IQUB: variants seen among roughly 807,000 people sequenced by gnomAD.
The protein encoded by IQUB is IQ motif and ubiquitin-like domain-containing protein.
In IQUB, 86 loss-of-function variants were observed where a neutral mutation model predicts 86.4. That is an observed-to-expected ratio of 1.00 (90% CI 0.84 to 1.19). The LOEUF is 1.19. IQUB is among the 50% of genes most tolerant of loss of function. IQUB has a pLI of 0.00. For missense variants in IQUB, 946 were observed against 916.9 expected (o/e 1.03, Z -0.41); for synonymous variants, 289 against 304.5 (o/e 0.95, Z 0.53).
At chr7:123,501,031 C>T (rs1388207161) in intron 6 of IQUB, 1 of 152,126 alleles carries the variant, frequency 6.6e-6, no homozygotes, top group African/African-American at 2.4e-5. Flanking sequence ...TTTAAAAATT[C>T]ATTTATCACA....
rs1443066101 is a variant in IQUB at position 123,519,944 on chromosome 7, A to G, written c.-4-7600T>C. On this transcript the variant is annotated intron_variant, in intron 1 of 12. Coordinates refer to ENST00000324698, the MANE Select transcript of IQUB (RefSeq NM_178827.5). ...ATAAACAAAAATTTTTAAATTTTTG[A>G]AAAGCATTGGCCATGGCTGAATTCA... Among the ~76,000 whole-genome samples the G allele has an allele frequency of 9.1e-5, 12 of 131,542 alleles. No homozygotes were observed. The Admixed American group carries it at 9.8e-4, about 11-fold the overall frequency. 86.3% of individuals were successfully genotyped at this position (131,542 alleles called of 152,430 possible).
At chr7:123,525,513 T>C (rs889187750) in intron 1 of IQUB, among the ~76,000 whole-genome samples, 2 of 152,188 alleles carry the variant, frequency 1.3e-5, no homozygotes, top group East Asian at 1.9e-4. Context: ...TATTCTCTGA[T>C]GGTAGTTTGT....
intron 1 of IQUB, among the ~76,000 whole-genome samples, chr7:123,526,003 T>G (rs1162752506): frequency 7.0e-6 from 1 of 143,840 alleles, no homozygotes; most frequent in Admixed American, 7.1e-5. Context: ...TCCATGTAGT[T>G]AAGCGGTTTT....
intron 7 of IQUB, among the ~76,000 whole-genome samples, chr7:123,494,608 T>C (rs1470593388): frequency 1.3e-5 from 2 of 152,152 alleles, no homozygotes; most frequent in Non-Finnish European, 2.9e-5. Context: ...ATAAATCATA[T>C]GTGGACTTAT....
chr7:123,526,263 C>G (rs1797202824), intron 1 of IQUB, among the ~76,000 whole-genome samples: 2 of 152,038 alleles, frequency 1.3e-5, no homozygotes, highest in African/African-American at 4.8e-5. Flanking sequence ...TCTTTGTTGA[C>G]TTTCTGTCTC....
At chr7:123,497,506 T>C (rs1343677584) in intron 6 of IQUB, among the ~76,000 whole-genome samples, 1 of 152,114 alleles carries the variant, frequency 6.6e-6, no homozygotes, top group Non-Finnish European at 1.5e-5. Context: ...TATTAACTTG[T>C]ATGAAACATG....
intron 1 of IQUB, among the ~76,000 whole-genome samples, chr7:123,513,695 C>G (rs1007849288): frequency 6.6e-6 from 1 of 152,210 alleles, no homozygotes; most frequent in Non-Finnish European, 1.5e-5. Context: ...GTCGCCCAGG[C>G]TGGAGTGCAG....
At chr7:123,463,187 G>A (rs1447470424) in intron 10 of IQUB, among the ~76,000 whole-genome samples, 2 of 151,522 alleles carry the variant, frequency 1.3e-5, no homozygotes, top group Non-Finnish European at 3.0e-5. Flanking sequence ...TATACTGCAG[G>A]CAGAAATGCA....
intron 1 of IQUB, among the ~76,000 whole-genome samples, chr7:123,517,984 A>G (rs989057709): frequency 1.3e-5 from 2 of 152,220 alleles, no homozygotes; most frequent in African/African-American, 4.8e-5. Flanking sequence ...GTTGAAAAGG[A>G]TTAAACCAGC....
chr7:123,513,200 G>A (rs1179488080), intron 1 of IQUB, among the ~76,000 whole-genome samples: 1 of 152,122 alleles, frequency 6.6e-6, no homozygotes, highest in African/African-American at 2.4e-5. Context: ...TTCACCCACA[G>A]CCAGTGGAAT....
chr7:123,494,587 T>C (rs1795630615), intron 7 of IQUB, among the ~76,000 whole-genome samples: 1 of 152,166 alleles, frequency 6.6e-6, no homozygotes, highest in Admixed American at 6.5e-5. Context: ...GGATTTCATT[T>C]TCCTCCATAT....
At chr7:123,461,949 T>C (rs1378479646) in intron 10 of IQUB, among the ~76,000 whole-genome samples, 4 of 151,872 alleles carry the variant, frequency 2.6e-5, no homozygotes, top group African/African-American at 9.7e-5. Flanking sequence ...TTCAGTTCTA[T>C]ATTACATTAG....
At chr7:123,482,692 G>A (rs976694064) in intron 7 of IQUB, among the ~76,000 whole-genome samples, 3 of 152,102 alleles carry the variant, frequency 2.0e-5, no homozygotes, top group African/African-American at 7.2e-5. Flanking sequence ...TGTCAGTCAT[G>A]TACCTGTCAA....
At position 123,462,593 on chromosome 7, in the gene IQUB, G is replaced by C. The variant is rs764596936; in HGVS notation, c.1759-988C>G. On this transcript the variant is annotated intron_variant, in intron 10 of 12. Transcript: ENST00000324698. ...AAATTTAAAAGGTAGTCAATTCTTCGAGAGAAAAGAAGAGTGATCTAGGTG... is the reference window on the plus strand; with the variant it reads ...AAATTTAAAAGGTAGTCAATTCTTCCAGAGAAAAGAAGAGTGATCTAGGTG... The C allele has an allele frequency of 2.0e-5, 4 of 197,440 alleles. No individual in the cohort carries two copies. In the East Asian group the frequency reaches 5.1e-4, roughly 25 times the overall value. The allele number at this position is 197,440 out of a possible 1,614,324, so 12.2% of individuals were successfully genotyped here. A position where few individuals can be genotyped will look rare whatever the true frequency, so the allele number is the denominator to read the frequency against.
At chr7:123,524,039 C>T (rs1455613744) in intron 1 of IQUB, among the ~76,000 whole-genome samples, 1 of 146,032 alleles carries the variant, frequency 6.8e-6, no homozygotes, top group Non-Finnish European at 1.5e-5. Flanking sequence ...TTTCTGAGGG[C>T]TTTGTTCTGT....
intron 1 of IQUB, among the ~76,000 whole-genome samples, chr7:123,525,337 C>T (rs1289588789): frequency 6.6e-6 from 1 of 151,978 alleles, no homozygotes; most frequent in Non-Finnish European, 1.5e-5. Context: ...GTCCTGGACT[C>T]TTTTTGGTTG....
chr7:123,480,451 A>G (rs1794955786), intron 7 of IQUB, among the ~76,000 whole-genome samples: 1 of 152,100 alleles, frequency 6.6e-6, no homozygotes, highest in South Asian at 2.1e-4. Context: ...GAGCCTGACT[A>G]TATGTGCCCA....
chr7:123,502,963 A>G lies in IQUB; in HGVS notation c.848T>C (p.Ile283Thr). ...CATTACCTGCGTATCCCTACAAAAT[A>G]TACTGAGTCTTTCGGGAATCCTTTT... ...VPKRIPERLS[I>T]FCRDTQTVFQ... is the part of the protein sequence containing the mutation. Residue 283 changes from isoleucine to threonine, a missense_variant, in exon 5 of 13, where the codon ATA (isoleucine) becomes ACA (threonine). By Grantham distance (89) the Ile-to-Thr change is moderately conservative. Transcript: ENST00000324698. 3.7e-6 allele frequency: 6 copies of G among 1,612,042 alleles called. 1 individual carries two copies. The highest frequency in any genetic ancestry group is 5.1e-6 in the Non-Finnish European group (6 of 1,179,168).
chr7:123,496,634 T>C (rs1380909870), intron 7 of IQUB, 62 bp downstream of exon 7: 3 of 993,138 alleles, frequency 3.0e-6, no homozygotes, highest in Non-Finnish European at 4.3e-6. Context: ...CTGCAGTAAA[T>C]CTGTTTTTCC....
Sources: allele counts gnomAD v4.1 joint callset (sites outside exome capture counted in the v4.1 genomes callset), GRCh38; gene constraint gnomAD v4.1.1; transcripts MANE v1.5; gene names NCBI Gene and HGNC (gene_info 2026-07-23, HGNC 2026-07-21).